The following ARL10 variants were observed in gnomAD, a reference collection of about 807,000 sequenced individuals.
ARL10 encodes ARF like GTPase 10.
Under a neutral mutation model 26.1 loss-of-function variants are expected in ARL10, and 23 were observed. The ratio of observed to expected loss-of-function variants is 0.88; its 90% confidence interval spans 0.63 to 1.25. ARL10 has a LOEUF of 1.25. ARL10 is among the 50% of genes most tolerant of loss of function. The pLI is 0.00. For synonymous variants in ARL10, 138 were observed against 149.1 expected, an observed-to-expected ratio of 0.93 and a Z score of 0.54; for missense variants, 300 against 323.6, an observed-to-expected ratio of 0.93 and a Z score of 0.56.
At chr5:176,389,039 A>T, downstream of ARL10, 4 of 1,584,756 alleles carry the variant, frequency 2.5e-6, no homozygotes, top group Non-Finnish European at 1.7e-6. Context: ...GAAGTAGAGA[A>T]GGACCAGAGC....
chr5:176,368,290 G>T lies in ARL10; in HGVS notation c.386-517G>T, dbSNP rs958277001. On this transcript the variant is annotated intron_variant, in intron 2 of 3. Transcript: ENST00000310389. This position sits in a 1 kb window ranked among gnomAD's most constrained non-coding sequence, Gnocchi z 4.1. ...TGGCTGTGTATAGGCAGGGCAGGGG[G>T]TCCTGAGTTTTCTAGACAATAGGAC... is the stretch of plus-strand genomic sequence containing the variant. Among the ~76,000 whole-genome samples the T allele has an allele frequency of 6.6e-6, 1 of 152,142 alleles. No individual in the cohort carries two copies. Among genetic ancestry groups the T allele is most frequent in the Non-Finnish European group, 1.5e-5 (1 of 68,016 alleles).
the ARL10 span, chr5:176,410,176 TA>T: frequency 8.3e-7 from 1 of 1,208,676 alleles, no homozygotes; most frequent in Non-Finnish European, 1.2e-6. Flanking sequence ...CCTGGAGCTG[TA>T]AGCCTACAAC....
downstream of ARL10, among the ~76,000 whole-genome samples, chr5:176,385,778 G>A (rs765156345): frequency 2.6e-5 from 4 of 152,156 alleles, no homozygotes; most frequent in Admixed American, 6.5e-5. Flanking sequence ...TAGAGCTGCC[G>A]GGTCTGGGGC....
downstream of ARL10, chr5:176,385,371 C>T (rs1755758881): frequency 1.7e-6 from 2 of 1,181,890 alleles, no homozygotes; most frequent in Non-Finnish European, 2.5e-6. Context: ...TGAGGCTTTG[C>T]TTTCTGTGCT....
At chr5:176,366,287 G>A in intron 1 of ARL10, 93 bp from the exon 2 acceptor site, 1 of 1,438,884 alleles carries the variant, frequency 6.9e-7, no homozygotes, top group South Asian at 1.3e-5. Flanking sequence ...ACGGGTGGAA[G>A]GCGGGCCTGG....
intron 2 of ARL10, among the ~76,000 whole-genome samples, chr5:176,367,196 C>T (rs1309917682): frequency 1.3e-5 from 2 of 151,900 alleles, no homozygotes; most frequent in Non-Finnish European, 2.9e-5. Context: ...TTAGTAGAGA[C>T]GGGGGTTTCA....
intron 1 of ARL10, among the ~76,000 whole-genome samples, chr5:176,400,283 T>C (rs1391257907): frequency 6.6e-6 from 1 of 152,150 alleles, no homozygotes; most frequent in African/African-American, 2.4e-5. Context: ...AATACTATAA[T>C]ATTTGTGAGA....
At position 176,376,894 on chromosome 5, in the gene ARL10, T is replaced by C. The variant is rs1415466370; in HGVS notation, c.*4999T>C. ...AGGTTTAAGGGCACTTTTTCTCTGA[T>C]ACCATCTCCAGAAGACCTAGTCTCA... On this transcript the variant is annotated 3_prime_UTR_variant, in exon 4 of 4. Coordinates refer to ENST00000310389, the MANE Select transcript of ARL10 (RefSeq NM_173664.6). 1.3e-5 allele frequency: 2 copies of C among 152,232 alleles called. No homozygotes were observed. Among genetic ancestry groups the C allele is most frequent in the African/African-American group, 4.8e-5 (2 of 41,468 alleles). The allele number at this position is 152,232 out of a possible 1,614,324, so 9.4% of individuals were successfully genotyped here. A position where few individuals can be genotyped will look rare whatever the true frequency, so the allele number is the denominator to read the frequency against.
chr5:176,393,217 G>A (rs568019605), downstream of ARL10, among the ~76,000 whole-genome samples: 1 of 152,210 alleles, frequency 6.6e-6, no homozygotes, highest in African/African-American at 2.4e-5. This position sits in a 1 kb window ranked among gnomAD's most constrained non-coding sequence, Gnocchi z 4.4. Context: ...GTCTCAGTGC[G>A]GGCCTCACCT....
intron 1 of ARL10, among the ~76,000 whole-genome samples, chr5:176,388,027 G>A (rs992931433): frequency 2.6e-5 from 4 of 152,210 alleles, no homozygotes; most frequent in Admixed American, 2.6e-4. Context: ...AGTAGAGGGG[G>A]TATGGGGAAT....
At chr5:176,390,182 CAAAAAAAAAAA>C (rs60632467), downstream of ARL10, among the ~76,000 whole-genome samples, 1 of 65,238 alleles carries the variant, frequency 1.5e-5, no homozygotes, top group Admixed American at 1.8e-4. Flanking sequence ...AACTCCATCT[CAAAAAAAAAAA>C]AAAAAAAAAA....
downstream of ARL10, among the ~76,000 whole-genome samples, chr5:176,382,791 G>T (rs1161676370): frequency 1.3e-5 from 2 of 152,186 alleles, no homozygotes; most frequent in Admixed American, 6.5e-5. Context: ...TGGCCTAGGG[G>T]TGGGGCTAGT....
chr5:176,369,020 T>C, intron 3 of ARL10, 38 bp downstream of exon 3: 2 of 1,610,048 alleles, frequency 1.2e-6, no homozygotes, highest in Non-Finnish European at 1.7e-6. Flanking sequence ...CCAGGTGACA[T>C]CCACTCAGAG....
At chr5:176,413,979 C>A in the ARL10 span, among the ~76,000 whole-genome samples, 1 of 152,212 alleles carries the variant, frequency 6.6e-6, no homozygotes, top group Non-Finnish European at 1.5e-5. Flanking sequence ...TTGTGCCCCA[C>A]CCCTGCCAAG....
At chr5:176,414,389 C>T in the ARL10 span, among the ~76,000 whole-genome samples, 1 of 152,054 alleles carries the variant, frequency 6.6e-6, no homozygotes, top group Admixed American at 6.6e-5. Context: ...ATGCTTCTCA[C>T]CCCACATCCT....
rs1442390834 is a variant in ARL10 at position 176,368,168 on chromosome 5, T to A, written c.386-639T>A. ...GGAGCAGAGAGGAAAAGAAAGGTGATCCAGGCTGGGGGACTGTGTTGGCAA... is the reference window on the plus strand; with the variant it reads ...GGAGCAGAGAGGAAAAGAAAGGTGAACCAGGCTGGGGGACTGTGTTGGCAA... On this transcript the variant is annotated intron_variant, in intron 2 of 3. Transcript: ENST00000310389. The surrounding 1 kb of genome is among the most constrained non-coding windows in gnomAD (Gnocchi z 4.1). 7.5e-6 allele frequency: 3 copies of A among 399,770 alleles called. No individual in the cohort carries two copies. The highest frequency in any genetic ancestry group is 1.5e-5 in the Non-Finnish European group (3 of 204,598). 24.8% of individuals were successfully genotyped at this position (399,770 alleles called of 1,614,324 possible).
intron 1 of ARL10, among the ~76,000 whole-genome samples, chr5:176,396,123 G>A (rs193205529): frequency 3.2e-4 from 48 of 152,242 alleles, no homozygotes; most frequent in African/African-American, 1.2e-3. Flanking sequence ...CAGCAAGAGC[G>A]AAACTCCATC....
At chr5:176,389,309 A>G (rs573064498), downstream of ARL10, 52 of 1,602,132 alleles carry the variant, frequency 3.2e-5, no homozygotes, top group South Asian at 5.4e-4. Context: ...GCTGTTTCCC[A>G]GTTGCTTTGT....
chr5:176,371,438 T>C (rs1422712928), intron 3 of ARL10, among the ~76,000 whole-genome samples: 10 of 151,982 alleles, frequency 6.6e-5, no homozygotes, highest in African/African-American at 2.4e-4. Context: ...GAGCCCAGGG[T>C]GAGGGAGAGA....
Sources: gnomAD v4.1 joint callset for allele counts (sites outside exome capture counted in the v4.1 genomes callset) on GRCh38, gnomAD v4.1.1 for gene constraint, Gnocchi (gnomAD v3.1) non-coding constraint, MANE v1.5 for transcripts, NCBI Gene and HGNC (gene_info 2026-07-23, HGNC 2026-07-21) for gene names.